The following CDKL3 variants were observed in gnomAD, a reference collection of about 807,000 sequenced individuals.
The protein encoded by CDKL3 is cyclin-dependent kinase-like 3.
A neutral mutation model predicts 69.3 loss-of-function variants in CDKL3; 65 were observed. That is an observed-to-expected ratio of 0.94 (90% CI 0.77 to 1.15). The LOEUF (loss-of-function observed/expected upper bound fraction) is 1.15. CDKL3 is among the 50% of genes most tolerant of loss of function. The pLI, the probability that CDKL3 is intolerant of heterozygous loss-of-function variation, is 0.00. For missense variants in CDKL3, 652 were observed against 689.2 expected, an observed-to-expected ratio of 0.95 and a Z score of 0.61; for synonymous variants, 202 against 221.6, an observed-to-expected ratio of 0.91 and a Z score of 0.79.
chr5:134,349,962 T>C (rs1752854793), intron 4 of CDKL3, among the ~76,000 whole-genome samples: 2 of 151,964 alleles, frequency 1.3e-5, no homozygotes, highest in South Asian at 4.2e-4. Flanking sequence ...CCGAGGCAGG[T>C]AGATCACCTG....
At chr5:134,319,196 T>C (rs929213723) in intron 6 of CDKL3, 162 bp downstream of exon 6, 2 of 480,398 alleles carry the variant, frequency 4.2e-6, no homozygotes. Context: ...CCGGGCATGG[T>C]GGCAGGTGCC....
chr5:134,302,685 T>C lies in CDKL3; in HGVS notation c.1624A>G (p.Lys542Glu), dbSNP rs1295980360. The change falls in exon 12 of 13, where the codon AAA (lysine) becomes GAA (glutamate). Residue 542 changes from lysine (K) to glutamate (E), a missense_variant and splice_region_variant. Physicochemically the swap from Lys to Glu is moderately conservative, Grantham distance 56. Transcript: ENST00000265334. ...QSKDTKGMEV[K>E]QIKMLKRESK... ...TCCCTCTTCAGCATTTTTATCTGTT[T>C]AACTTTTGCAAAAATATACAAAACA... is the stretch of plus-strand genomic sequence containing the variant. The C allele has an allele frequency of 6.5e-7, 1 of 1,544,896 alleles. No individual in the cohort carries two copies. Among genetic ancestry groups the C allele is most frequent in the Admixed American group, 1.9e-5 (1 of 52,454 alleles).
At chr5:134,302,094 G>T (rs973429667) in intron 12 of CDKL3, 6 of 452,358 alleles carry the variant, frequency 1.3e-5, no homozygotes, top group Non-Finnish European at 2.7e-5. Context: ...TAAAATTTGA[G>T]AATCTCTCTG....
chr5:134,361,789 A>G (rs893851429), intron 2 of CDKL3, among the ~76,000 whole-genome samples: 1 of 152,212 alleles, frequency 6.6e-6, no homozygotes, highest in African/African-American at 2.4e-5. Context: ...CTGTAATCCC[A>G]GCTACTAGAG....
chr5:134,304,864 T>C (rs533348782), intron 10 of CDKL3, among the ~76,000 whole-genome samples: 1 of 150,186 alleles, frequency 6.7e-6, no homozygotes, highest in South Asian at 2.1e-4. Context: ...TTTGAGTGCA[T>C]TGGCATGATC....
chr5:134,309,592 C>T (rs1768837321), intron 7 of CDKL3, among the ~76,000 whole-genome samples: 1 of 152,040 alleles, frequency 6.6e-6, no homozygotes, highest in Non-Finnish European at 1.5e-5. Context: ...TCCTTCCCAC[C>T]CCTTCCCTGA....
upstream of CDKL3, among the ~76,000 whole-genome samples, chr5:134,367,634 AAAGTG>A (rs1247289454): frequency 6.6e-6 from 1 of 152,016 alleles, no homozygotes; most frequent in Admixed American, 6.6e-5. Context: ...TCGGCCTCCC[AAAGTG>A]CTGGGATTAC....
chr5:134,319,469 G>T lies in CDKL3; in HGVS notation c.681C>A (p.Ile227=). The change falls in exon 6 of 13, where the codon ATC becomes ATA. Residue 227 remains isoleucine (I), a synonymous_variant. Coordinates refer to ENST00000265334, the MANE Select transcript of CDKL3 (RefSeq NM_001113575.2). ...CAGCAAAAATGGGGCTCTTGGAAAA[G>T]ATATTCTGCAAGTGAGGTGACAAAT... is the stretch of plus-strand genomic sequence containing the variant. ...VGNLSPHLQN[I]FSKSPIFAGV... 1 of 1,530,852 alleles carries T rather than the reference G, an allele frequency of 6.5e-7. No individual in the cohort carries two copies. The allele number at this position is 1,530,852 out of a possible 1,614,324, so 94.8% of individuals were successfully genotyped here. A position where few individuals can be genotyped will look rare whatever the true frequency, so the allele number is the denominator to read the frequency against.
At chr5:134,360,113 C>G (rs1755649925) in intron 2 of CDKL3, 22 bp from the exon 3 acceptor site, 1 of 1,476,734 alleles carries the variant, frequency 6.8e-7, no homozygotes, top group Non-Finnish European at 9.1e-7. Context: ...AGAAACAACA[C>G]AAATTTTTAA....
In CDKL3 at chr5:134,303,937, A is replaced by T. The variant is rs903891477; in HGVS notation, c.1621+468T>A. On this transcript the variant is annotated intron_variant, in intron 11 of 12. Coordinates refer to ENST00000265334, the MANE Select transcript of CDKL3 (RefSeq NM_001113575.2). ...TATTTTTCTTTTTAATTAAAAAAAA[A>T]TTTTTTTTTTTTAGAGACAGGGTCT... Among the ~76,000 whole-genome samples the T allele has an allele frequency of 1.0e-3, 147 of 147,388 alleles. 1 individual carries two copies. Among genetic ancestry groups the T allele is most frequent in the East Asian group, 7.9e-3 (40 of 5,082 alleles).
Position 134,350,429 on chromosome 5 carries a change from T to TAA in CDKL3, c.361-4_361-3dup, listed in dbSNP as rs1752971617. On this transcript the variant is annotated splice_polypyrimidine_tract_variant and splice_region_variant and intron_variant, in intron 3 of 12. Transcript: ENST00000265334. ...AGGTTTTATATCTCGATGAATGATC[T>TAA]AAAAAACAAACAGAATACAAAATAC... 1 of 1,520,960 alleles carries TAA rather than the reference T, an allele frequency of 6.6e-7. No individual in the cohort carries two copies. Among genetic ancestry groups the TAA allele is most frequent in the Non-Finnish European group, 8.9e-7 (1 of 1,121,476 alleles). The allele number at this position is 1,520,960 out of a possible 1,614,324, so 94.2% of individuals were successfully genotyped here. A position where few individuals can be genotyped will look rare whatever the true frequency, so the allele number is the denominator to read the frequency against.
chr5:134,352,060 C>T (rs1753433115), intron 3 of CDKL3, among the ~76,000 whole-genome samples: 1 of 152,094 alleles, frequency 6.6e-6, no homozygotes, highest in African/African-American at 2.4e-5. Context: ...CCCACTCTAG[C>T]CCCTGGTAAC....
intron 2 of CDKL3, among the ~76,000 whole-genome samples, chr5:134,361,922 T>C (rs901268743): frequency 4.6e-5 from 7 of 152,128 alleles, no homozygotes; most frequent in African/African-American, 1.7e-4. Flanking sequence ...TGATTGCTTT[T>C]GGACACTACC....
intron 6 of CDKL3, among the ~76,000 whole-genome samples, chr5:134,314,385 T>G (rs902184397): frequency 6.6e-6 from 1 of 152,222 alleles, no homozygotes; most frequent in Non-Finnish European, 1.5e-5. Context: ...GGAAACAGAT[T>G]GGCAGTTTCT....
chr5:134,345,559 G>T (rs1183172739), intron 4 of CDKL3, among the ~76,000 whole-genome samples: 1 of 152,216 alleles, frequency 6.6e-6, no homozygotes, highest in African/African-American at 2.4e-5. Flanking sequence ...AGTCCGAAAA[G>T]AGAGTCAGCA....
At chr5:134,307,046 T>C (rs1210032523) in intron 9 of CDKL3, among the ~76,000 whole-genome samples, 2 of 152,130 alleles carry the variant, frequency 1.3e-5, no homozygotes, top group Non-Finnish European at 2.9e-5. Context: ...CGAGCCACCA[T>C]GCCCGGCCGA....
At chr5:134,313,130 T>C (rs1770024724) in intron 6 of CDKL3, among the ~76,000 whole-genome samples, 2 of 152,312 alleles carry the variant, frequency 1.3e-5, no homozygotes, top group East Asian at 3.9e-4. Flanking sequence ...TGTTATGTTG[T>C]AAGGCTGATG....
At chr5:134,356,681 G>A (rs1698759876) in intron 3 of CDKL3, among the ~76,000 whole-genome samples, 1 of 152,126 alleles carries the variant, frequency 6.6e-6, no homozygotes, top group African/African-American at 2.4e-5. Flanking sequence ...CTACTCAGGA[G>A]GCTGAGGCAG....
chr5:134,351,498 CA>C (rs1561625533), intron 3 of CDKL3, among the ~76,000 whole-genome samples: 1 of 152,182 alleles, frequency 6.6e-6, no homozygotes, highest in African/African-American at 2.4e-5. Flanking sequence ...ACTGCAGCCT[CA>C]AACTCCTGGG....
Sources: gnomAD v4.1 joint callset for allele counts (sites outside exome capture counted in the v4.1 genomes callset) on GRCh38, gnomAD v4.1.1 for gene constraint, MANE v1.5 for transcripts, NCBI Gene and HGNC (gene_info 2026-07-23, HGNC 2026-07-21) for gene names.